NFKB1: variants seen among roughly 807,000 people sequenced by gnomAD.
The protein encoded by NFKB1 is nuclear factor NF-kappa-B p105 subunit.
In NFKB1, 9 loss-of-function variants were observed where a neutral mutation model predicts 105.1. The observed-to-expected ratio is 0.09, with a 90% confidence interval of 0.05 to 0.15. NFKB1 has a LOEUF of 0.15. Among genes scored for constraint, NFKB1 ranks in the 10% least tolerant of loss-of-function variants. The probability of loss-of-function intolerance (pLI) is 1.00; values close to 1 mark genes in which losing one functional copy is unlikely to be tolerated. For missense variants in NFKB1, 830 were observed against 1,203.7 expected, an observed-to-expected ratio of 0.69 and a Z score of 4.59; for synonymous variants, 440 against 442.2, an observed-to-expected ratio of 1.00 and a Z score of 0.06.
rs72696130 is a variant in NFKB1, at chr4:102,511,986, G to A, written c.-8+10198G>A. Among the ~76,000 whole-genome samples the A allele has an allele frequency of 6.6e-3, 998 of 152,276 alleles. 3 individuals are homozygous for A. Among genetic ancestry groups the A allele is most frequent in the Non-Finnish European group, 7.9e-3 (534 of 68,020 alleles). On this transcript the variant is annotated intron_variant, in intron 1 of 23. Coordinates refer to ENST00000226574, the MANE Select transcript of NFKB1 (RefSeq NM_003998.4). ...TATATATCCACATAGACAATGGAGC[G>A]TTGACTGAATGAATTCATTATTCCA...
chr4:102,595,305 C>G (rs1359082783), intron 13 of NFKB1, among the ~76,000 whole-genome samples: 1 of 151,772 alleles, frequency 6.6e-6, no homozygotes, highest in Non-Finnish European at 1.5e-5. Flanking sequence ...CTCTTTTTTT[C>G]TCAAATAGTA....
intron 1 of NFKB1, chr4:102,502,032 A>G (rs973600119): frequency 1.3e-5 from 2 of 152,300 alleles, no homozygotes; most frequent in Non-Finnish European, 2.9e-5. Flanking sequence ...CCCGGCGGTC[A>G]TTTCTCTTCA....
chr4:102,568,922 G>A (rs1194516124), intron 6 of NFKB1, among the ~76,000 whole-genome samples: 1 of 152,028 alleles, frequency 6.6e-6, no homozygotes, highest in Non-Finnish European at 1.5e-5. Flanking sequence ...TATGATGTCT[G>A]GTTGTAGAGC....
At chr4:102,591,474 A>G (rs1384238525) in intron 11 of NFKB1, among the ~76,000 whole-genome samples, 1 of 151,422 alleles carries the variant, frequency 6.6e-6, no homozygotes, top group Non-Finnish European at 1.5e-5. Context: ...GCAGCTGGTG[A>G]CTTTAAATTG....
chr4:102,597,459 T>TGCCATA (rs1726720754), intron 14 of NFKB1, 61 bp from the exon 15 acceptor site: 3 of 1,535,024 alleles, frequency 2.0e-6, no homozygotes, highest in Non-Finnish European at 1.8e-6. Context: ...TCCTTAAGCA[T>TGCCATA]GCCATACCCA....
intron 15 of NFKB1, among the ~76,000 whole-genome samples, chr4:102,600,589 T>C (rs943409110): frequency 5.3e-5 from 8 of 152,166 alleles, no homozygotes; most frequent in Non-Finnish European, 1.2e-4. Context: ...GATTTAAGCT[T>C]AGGTCTTTCT....
At chr4:102,542,730 A>G (rs1246684706) in intron 5 of NFKB1, among the ~76,000 whole-genome samples, 1 of 152,244 alleles carries the variant, frequency 6.6e-6, no homozygotes, top group African/African-American at 2.4e-5. Flanking sequence ...ATTGTATAGG[A>G]TGGCTCCTTT....
Position 102,606,741 on chromosome 4 carries a change from C to G in NFKB1, c.1954+44C>G, listed in dbSNP as rs1237832188. The G allele has an allele frequency of 5.1e-6, 8 of 1,560,342 alleles. No homozygotes were observed. In the East Asian group the frequency reaches 9.2e-5, roughly 18 times the overall value. On this transcript the variant is annotated intron_variant, in intron 17 of 23. Transcript: ENST00000226574. ...TCATTGGTGTAACTTTCTCCACCTT[C>G]TAAATATCTACTAGGTATTTGATAA...
chr4:102,544,410 A>G (rs1721970716), intron 5 of NFKB1, among the ~76,000 whole-genome samples: 1 of 152,180 alleles, frequency 6.6e-6, no homozygotes, highest in African/African-American at 2.4e-5. Flanking sequence ...TGATGGCCAA[A>G]AGAGTTGAAT....
At position 102,616,646 on chromosome 4, in the gene NFKB1, C is replaced by T. The variant is rs746414889; in HGVS notation, c.*52C>T. On this transcript the variant is annotated 3_prime_UTR_variant, in exon 24 of 24. Transcript: ENST00000226574. ...AAACCAAAGCCCTAAAATTCCACTG[C>T]GTTGTCCACAAGACAGAAGCTGAAG... is the stretch of plus-strand genomic sequence containing the variant. The T allele has an allele frequency of 1.3e-5, 21 of 1,579,326 alleles. No homozygotes were observed. Among genetic ancestry groups the T allele is most frequent in the Middle Eastern group, 1.7e-4 (1 of 5,972 alleles).
chr4:102,574,894 A>T (rs559179868), intron 6 of NFKB1, among the ~76,000 whole-genome samples: 1 of 152,320 alleles, frequency 6.6e-6, no homozygotes, highest in East Asian at 1.9e-4. Context: ...CAGGGACTAG[A>T]TTAGGCAATA....
chr4:102,590,635 G>A (rs1217847870), intron 11 of NFKB1, among the ~76,000 whole-genome samples: 5 of 152,042 alleles, frequency 3.3e-5, no homozygotes, highest in Non-Finnish European at 7.4e-5. Flanking sequence ...AAACTTAATC[G>A]ATAAATGTTC....
chr4:102,610,524 G>A (rs749173744), intron 19 of NFKB1, 51 bp from the exon 20 acceptor site: 1 of 1,586,876 alleles, frequency 6.3e-7, no homozygotes, highest in South Asian at 1.1e-5. Flanking sequence ...CAGGCAGTTG[G>A]AAGTTGACAA....
At chr4:102,529,686 C>A in intron 2 of NFKB1, 150 bp from the exon 3 acceptor site, 1 of 629,494 alleles carries the variant, frequency 1.6e-6, no homozygotes, top group Non-Finnish European at 2.8e-6. Flanking sequence ...TCATGAAGAT[C>A]TTTTAAAACC....
chr4:102,599,523 C>G (rs1465765771), intron 15 of NFKB1, among the ~76,000 whole-genome samples: 5 of 152,166 alleles, frequency 3.3e-5, no homozygotes, highest in Non-Finnish European at 7.3e-5. Context: ...TTAGTGTGCT[C>G]TGCACCTCAA....
chr4:102,511,991 CTGAATGAATTCATTATTCCAAGGTGCTAA>C (rs1247410177), intron 1 of NFKB1, among the ~76,000 whole-genome samples: 146 of 152,298 alleles, frequency 9.6e-4, no homozygotes, highest in African/African-American at 3.2e-3. Flanking sequence ...GGAGCGTTGA[CTGAATGAATTCATTATTCCAAGGTGCTAA>C]TAATGAGCTT....
intron 20 of NFKB1, 106 bp downstream of exon 20, chr4:102,610,805 CTTTTA>C: frequency 7.5e-7 from 1 of 1,339,488 alleles, no homozygotes; most frequent in Non-Finnish European, 1.0e-6. Context: ...AAGAACATGC[CTTTTA>C]TTTTTAAGAA....
chr4:102,511,644 C>A (rs1325704031), intron 1 of NFKB1, among the ~76,000 whole-genome samples: 3 of 151,764 alleles, frequency 2.0e-5, no homozygotes, highest in African/African-American at 7.3e-5. Context: ...CCACTGCAGT[C>A]CAGTCTAGGC....
chr4:102,601,105 C>T (rs898888310), intron 16 of NFKB1, 96 bp downstream of exon 16: 1 of 757,894 alleles, frequency 1.3e-6, no homozygotes, highest in East Asian at 2.6e-5. Context: ...GTAATGTTAA[C>T]AGTAGCAAAA....
Sources: allele counts gnomAD v4.1 joint callset (sites outside exome capture counted in the v4.1 genomes callset), GRCh38; gene constraint gnomAD v4.1.1; transcripts MANE v1.5; gene names NCBI Gene and HGNC (gene_info 2026-07-23, HGNC 2026-07-21).